Variants in REPS2 observed in about 807,000 individuals in gnomAD.
The protein encoded by REPS2 is RALBP1 associated Eps domain containing 2, also known as ralBP1-associated Eps domain-containing protein 2.
REPS2 carries 23 observed loss-of-function variants against 53.6 expected under a neutral mutation model. The observed-to-expected ratio is 0.43, with a 90% CI of 0.31 to 0.61. The LOEUF is 0.61. Ranked by LOEUF, REPS2 falls within the 20% of genes least tolerant of loss-of-function variation. The pLI, the probability that REPS2 is intolerant of heterozygous loss-of-function variation, is 0.11. For missense variants in REPS2, 446 were observed against 534.9 expected, an observed-to-expected ratio of 0.83 and a Z score of 1.64; for synonymous variants, 238 against 218.6, an observed-to-expected ratio of 1.09 and a Z score of -0.78.
chrX:17,015,083 A>G (rs1159347928), intron 2 of REPS2, among the ~76,000 whole-genome samples: 1 of 112,734 alleles, frequency 8.9e-6, no homozygotes, highest in Admixed American at 9.4e-5. Context: ...TATACCAATA[A>G]CACCTGCCTT....
intron 13 of REPS2, among the ~76,000 whole-genome samples, chrX:17,085,217 C>T (rs1392901258): frequency 1.8e-5 from 2 of 112,283 alleles, no homozygotes; most frequent in African/African-American, 6.5e-5. Context: ...ACTCTCAGTT[C>T]TGTTCTGTTG....
rs1197677843 is a variant in REPS2 at position 16,965,509 on chromosome X, C to T, written c.273+18375C>T. The stretch of plus-strand genomic sequence containing the variant: ...GCGGAGGGGCTCCTCACTTCTCAGA[C>T]GGGGCGGTTGCCAGGCAGAGGGTCT... On this transcript the variant is annotated intron_variant, in intron 1 of 17. Transcript: ENST00000357277. Among the ~76,000 whole-genome samples the T allele has an allele frequency of 4.6e-5, 5 of 109,462 alleles. No homozygotes were observed. In the East Asian group the frequency reaches 1.2e-3, roughly 26 times the overall value.
intron 13 of REPS2, among the ~76,000 whole-genome samples, chrX:17,103,369 G>A (rs182509431): frequency 4.5e-5 from 5 of 111,709 alleles, no homozygotes; most frequent in Non-Finnish European, 7.5e-5. Context: ...AGAAATCAAA[G>A]AAGACCCTTT....
chrX:17,177,314 G>A, the REPS2 span, among the ~76,000 whole-genome samples: 1 of 112,140 alleles, frequency 8.9e-6, no homozygotes, highest in Non-Finnish European at 1.9e-5. Context: ...GGAGTGGTCA[G>A]GACTCAAACC....
the REPS2 span, among the ~76,000 whole-genome samples, chrX:17,177,953 C>T: frequency 6.3e-5 from 7 of 111,247 alleles, no homozygotes; most frequent in South Asian, 2.7e-3. Context: ...GAGGAACAGA[C>T]ATTTGGAACT....
At chrX:17,188,069 T>C in the REPS2 span, among the ~76,000 whole-genome samples, 11 of 112,033 alleles carry the variant, frequency 9.8e-5, no homozygotes, top group African/African-American at 3.6e-4. Context: ...CCAGCTGCAA[T>C]GTCATGGGCA....
At chrX:17,036,063 A>G (rs2061761588) in intron 5 of REPS2, among the ~76,000 whole-genome samples, 2 of 112,134 alleles carry the variant, frequency 1.8e-5, no homozygotes, top group South Asian at 7.3e-4. Context: ...GACATCTTGT[A>G]CTTGCAATCA....
At chrX:17,084,853 T>C (rs1473316996) in intron 13 of REPS2, among the ~76,000 whole-genome samples, 1 of 112,297 alleles carries the variant, frequency 8.9e-6, no homozygotes, top group Non-Finnish European at 1.9e-5. Flanking sequence ...TTCATCTTTT[T>C]GATGGTGTCC....
At chrX:17,190,701 C>G in the REPS2 span, among the ~76,000 whole-genome samples, 707 of 112,098 alleles carry the variant, frequency 6.3e-3, 11 homozygotes, top group African/African-American at 0.022. Flanking sequence ...AGAAGTAACA[C>G]TATTTAATTT....
intron 1 of REPS2, among the ~76,000 whole-genome samples, chrX:17,002,392 A>G (rs894973010): frequency 9.0e-6 from 1 of 111,558 alleles, no homozygotes; most frequent in Admixed American, 9.5e-5. Flanking sequence ...CTGAAATCAC[A>G]CCTCAGCACT....
chrX:17,080,833 T>A (rs1316103417), intron 13 of REPS2, among the ~76,000 whole-genome samples: 1 of 112,273 alleles, frequency 8.9e-6, no homozygotes, highest in African/African-American at 3.2e-5. Context: ...CTTCTGTTGC[T>A]ACATCTCTCT....
At chrX:17,144,723 C>T (rs1199182654) in intron 17 of REPS2, among the ~76,000 whole-genome samples, 1 of 112,344 alleles carries the variant, frequency 8.9e-6, no homozygotes, top group Non-Finnish European at 1.9e-5. Context: ...CAAAAATTTA[C>T]ACTGCAAATC....
At chrX:17,114,679 G>C (rs2063022767) in intron 14 of REPS2, among the ~76,000 whole-genome samples, 1 of 112,330 alleles carries the variant, frequency 8.9e-6, no homozygotes, top group Non-Finnish European at 1.9e-5. Context: ...ATAGTGATAA[G>C]ACATATATTG....
chrX:17,036,086 C>T (rs1206772586), intron 5 of REPS2, among the ~76,000 whole-genome samples: 1 of 112,029 alleles, frequency 8.9e-6, no homozygotes, highest in Non-Finnish European at 1.9e-5. Context: ...GCGTTGTTTG[C>T]AGATATATGG....
chrX:16,994,919 CTT>C (rs2061214096), intron 1 of REPS2, among the ~76,000 whole-genome samples: 2 of 112,068 alleles, frequency 1.8e-5, no homozygotes, highest in Non-Finnish European at 3.8e-5. Context: ...GAATCTGACA[CTT>C]TTAGCTTATT....
At chrX:17,090,044 T>G (rs896201819) in intron 13 of REPS2, among the ~76,000 whole-genome samples, 1 of 112,384 alleles carries the variant, frequency 8.9e-6, no homozygotes, top group Non-Finnish European at 1.9e-5. Context: ...CCACACTTAT[T>G]ATTATCTTTT....
chrX:16,964,663 C>G (rs2060712196), intron 1 of REPS2, among the ~76,000 whole-genome samples: 2 of 89,854 alleles, frequency 2.2e-5, no homozygotes, highest in Non-Finnish European at 4.3e-5. Flanking sequence ...GGGGGGCTGA[C>G]CCCCCCCACC....
chrX:17,033,649 C>A (rs956235261), intron 5 of REPS2, among the ~76,000 whole-genome samples: 1 of 112,333 alleles, frequency 8.9e-6, no homozygotes, highest in Non-Finnish European at 1.9e-5. Flanking sequence ...TCGTTCAGGC[C>A]ATTATCCTTT....
chrX:16,955,984 A>G (rs989373773), intron 1 of REPS2, among the ~76,000 whole-genome samples: 3 of 112,459 alleles, frequency 2.7e-5, no homozygotes, highest in African/African-American at 9.7e-5. Context: ...CATCCTAAGT[A>G]GAACTGGCAA....
Sources: gnomAD v4.1 joint callset for allele counts (sites outside exome capture counted in the v4.1 genomes callset) on GRCh38, gnomAD v4.1.1 for gene constraint, MANE v1.5 for transcripts, NCBI Gene and HGNC (gene_info 2026-07-23, HGNC 2026-07-21) for gene names.